Variants in LHFPL6 observed in about 807,000 individuals in gnomAD.
LHFPL6 encodes the protein LHFPL tetraspan subfamily member 6, also known as LHFPL tetraspan subfamily member 6 protein.
A neutral mutation model predicts 20.6 loss-of-function variants in LHFPL6; 9 were observed. That is an observed-to-expected ratio of 0.44 (90% confidence interval 0.26 to 0.76). LHFPL6 has a LOEUF of 0.76. LHFPL6 is among the 30% of genes least tolerant of loss of function. The probability of loss-of-function intolerance (pLI) is 0.20; values close to 1 mark genes in which losing one functional copy is unlikely to be tolerated. For synonymous variants in LHFPL6, 105 were observed against 98.7 expected (o/e 1.06, Z -0.38); for missense variants, 218 against 253.5 (o/e 0.86, Z 0.95).
chr13:39,467,287 G>A (rs35613729), intron 2 of LHFPL6, among the ~76,000 whole-genome samples: 13,891 of 152,070 alleles, frequency 0.091, 1,241 homozygotes, highest in East Asian at 0.51. Flanking sequence ...CTGACATATG[G>A]AAAGCATTTC....
intron 3 of LHFPL6, among the ~76,000 whole-genome samples, chr13:39,374,748 T>C (rs984584161): frequency 6.6e-5 from 10 of 152,184 alleles, no homozygotes; most frequent in Admixed American, 3.3e-4. Context: ...CCCAACACTT[T>C]TCCTTTCTAA....
intron 2 of LHFPL6, among the ~76,000 whole-genome samples, chr13:39,460,583 T>A (rs1872666592): frequency 6.6e-6 from 1 of 152,170 alleles, no homozygotes; most frequent in African/African-American, 2.4e-5. Context: ...CCAGAACATG[T>A]GTGCATACTT....
At chr13:39,592,644 T>G (rs1012486859) in intron 2 of LHFPL6, among the ~76,000 whole-genome samples, 7 of 152,058 alleles carry the variant, frequency 4.6e-5, no homozygotes, top group African/African-American at 1.4e-4. Flanking sequence ...CATCCTGATA[T>G]CAAAGCCTGG....
At chr13:39,520,084 G>C (rs937470310) in intron 2 of LHFPL6, among the ~76,000 whole-genome samples, 1 of 152,180 alleles carries the variant, frequency 6.6e-6, no homozygotes, top group Non-Finnish European at 1.5e-5. Flanking sequence ...TGGGAGCCCA[G>C]TGCCCAGCAG....
intron 2 of LHFPL6, among the ~76,000 whole-genome samples, chr13:39,411,124 T>C (rs1040893834): frequency 6.6e-6 from 1 of 152,210 alleles, no homozygotes; most frequent in Non-Finnish European, 1.5e-5. Flanking sequence ...GTGAATAACC[T>C]GTTTATTCCT....
chr13:39,391,670 T>C (rs1277043233), intron 2 of LHFPL6, among the ~76,000 whole-genome samples: 1 of 152,238 alleles, frequency 6.6e-6, no homozygotes, highest in Admixed American at 6.5e-5. Context: ...ATAGCAACTT[T>C]TTCATCACTA....
intron 2 of LHFPL6, among the ~76,000 whole-genome samples, chr13:39,519,474 G>A (rs577971604): frequency 1.5e-4 from 23 of 152,080 alleles, no homozygotes; most frequent in African/African-American, 1.4e-4. Flanking sequence ...AACGTTACAC[G>A]CATTAGTTTG....
intron 2 of LHFPL6, among the ~76,000 whole-genome samples, chr13:39,581,886 T>C (rs1170319570): frequency 6.6e-6 from 1 of 152,142 alleles, no homozygotes; most frequent in Non-Finnish European, 1.5e-5. Flanking sequence ...CACAATCAAA[T>C]GTAAAAGAAA....
intron 2 of LHFPL6, among the ~76,000 whole-genome samples, chr13:39,384,478 T>G (rs1323265849): frequency 6.6e-6 from 1 of 152,242 alleles, no homozygotes; most frequent in Non-Finnish European, 1.5e-5. Context: ...ATCTTTTTAA[T>G]GGAAGAAATC....
chr13:39,559,220 C>T (rs1871397690), intron 2 of LHFPL6, among the ~76,000 whole-genome samples: 1 of 152,184 alleles, frequency 6.6e-6, no homozygotes, highest in South Asian at 2.1e-4. Context: ...GAGATGTCCT[C>T]ACCCAAAGGC....
intron 2 of LHFPL6, among the ~76,000 whole-genome samples, chr13:39,480,616 T>C (rs1043428229): frequency 6.6e-6 from 1 of 152,188 alleles, no homozygotes; most frequent in Non-Finnish European, 1.5e-5. Context: ...GCTGCTCATG[T>C]CCCTCCCTCT....
chr13:39,591,646 T>G (rs1872594386), intron 2 of LHFPL6, among the ~76,000 whole-genome samples: 1 of 152,228 alleles, frequency 6.6e-6, no homozygotes, highest in Admixed American at 6.5e-5. Context: ...ATATGGTCTG[T>G]GGACCATCTG....
chr13:39,378,415 G>T lies in LHFPL6; in HGVS notation c.484+13C>A. On this transcript the variant is annotated intron_variant, in intron 3 of 3. Coordinates refer to ENST00000379589, the MANE Select transcript of LHFPL6 (RefSeq NM_005780.3). ...TTTTTCTAAAAGGAGTGCCATCCAT[G>T]AAGAAAGCTTACCCAGGTCAAACTG... The T allele has an allele frequency of 6.2e-7, 1 of 1,606,656 alleles. No homozygotes were observed. Among genetic ancestry groups the T allele is most frequent in the Non-Finnish European group, 8.5e-7 (1 of 1,173,448 alleles).
intron 2 of LHFPL6, among the ~76,000 whole-genome samples, chr13:39,542,832 A>G (rs1441530351): frequency 6.6e-6 from 1 of 152,208 alleles, no homozygotes; most frequent in African/African-American, 2.4e-5. Flanking sequence ...ACGTGTCTCC[A>G]AGTTTTTGTG....
chr13:39,373,491 C>T (rs1295224720), intron 3 of LHFPL6, among the ~76,000 whole-genome samples: 1 of 152,194 alleles, frequency 6.6e-6, no homozygotes, highest in Non-Finnish European at 1.5e-5. Context: ...AGGTACAGTG[C>T]TTGCCACCTT....
At chr13:39,596,009 T>C (rs1260242550) in intron 2 of LHFPL6, among the ~76,000 whole-genome samples, 1 of 152,172 alleles carries the variant, frequency 6.6e-6, no homozygotes, top group Non-Finnish European at 1.5e-5. Flanking sequence ...GAAAATCCAC[T>C]GCATGCAAAC....
intron 2 of LHFPL6, among the ~76,000 whole-genome samples, chr13:39,504,452 G>A (rs1308008733): frequency 2.0e-5 from 3 of 152,146 alleles, no homozygotes; most frequent in African/African-American, 7.2e-5. Flanking sequence ...CACACACTGG[G>A]TGGCTTAAAC....
At chr13:39,397,382 C>T (rs1174959313) in intron 2 of LHFPL6, among the ~76,000 whole-genome samples, 1 of 152,176 alleles carries the variant, frequency 6.6e-6, no homozygotes, top group Non-Finnish European at 1.5e-5. Context: ...AGGATCCTCA[C>T]TGCTATAACC....
intron 2 of LHFPL6, among the ~76,000 whole-genome samples, chr13:39,490,192 T>C (rs1868873037): frequency 6.6e-6 from 1 of 152,122 alleles, no homozygotes. Flanking sequence ...CACGCAGGAA[T>C]TGCTTGGATT....
Sources: allele counts gnomAD v4.1 joint callset (sites outside exome capture counted in the v4.1 genomes callset), GRCh38; gene constraint gnomAD v4.1.1; transcripts MANE v1.5; gene names NCBI Gene and HGNC (gene_info 2026-07-23, HGNC 2026-07-21).